Variants in SGSH observed in about 807,000 individuals in gnomAD.
SGSH encodes the protein heparan sulfate sulfatase.
In SGSH, 48 loss-of-function variants were observed where a neutral mutation model predicts 51.0. The observed-to-expected ratio is 0.94, with a 90% confidence interval of 0.75 to 1.20. SGSH has a LOEUF of 1.20. Among genes scored for constraint, SGSH ranks in the 50% most tolerant of loss-of-function variants. SGSH has a pLI of 0.00. For synonymous variants in SGSH, 321 were observed against 313.4 expected, an observed-to-expected ratio of 1.02 and a Z score of -0.26; for missense variants, 662 against 717.8, an observed-to-expected ratio of 0.92 and a Z score of 0.89.
rs779581338 is a variant in SGSH at position 80,217,138 on chromosome 17, G to A, written c.143C>T (p.Pro48Leu). Residue 48 changes from proline (P) to leucine (L), a missense_variant, in exon 2 of 8, where the codon CCG becomes CTG. Physicochemically the swap from Pro to Leu is moderately conservative, Grantham distance 98 (BLOSUM62 -3). Coordinates refer to ENST00000326317, the MANE Select transcript of SGSH (RefSeq NM_000199.5). Reference protein sequence around the residue: ...GAYNNSAIATPHLDALARRSL... With the variant: ...GAYNNSAIATLHLDALARRSL... ...GCGGCGGGCCAAGGCGTCCAGGTGC[G>A]GGGTGGCGATGGCGCTGTTGTTGTA... is the stretch of plus-strand genomic sequence containing the variant. The A allele has an allele frequency of 1.1e-5, 17 of 1,601,396 alleles. No homozygotes were observed. The highest frequency in any genetic ancestry group is 2.2e-5 in the South Asian group (2 of 89,238).
rs2041709025 is a variant in SGSH at position 80,212,482 on chromosome 17, C to T, written c.746-208G>A. On this transcript the variant is annotated intron_variant, in intron 6 of 7. Transcript: ENST00000326317. This position sits in a 1 kb window ranked among gnomAD's most constrained non-coding sequence, Gnocchi z 5.9. ...CAGCTCCCATTCCCTGAGCAGGCCTCGAATGGGCCTCCAGGGACTCCAGCC... is the reference window on the plus strand; with the variant it reads ...CAGCTCCCATTCCCTGAGCAGGCCTTGAATGGGCCTCCAGGGACTCCAGCC... The T allele has an allele frequency of 4.8e-6, 3 of 623,256 alleles. No individual in the cohort carries two copies. The highest frequency in any genetic ancestry group is 5.6e-5 in the East Asian group (2 of 35,558). 38.6% of individuals were successfully genotyped at this position (623,256 alleles called of 1,614,324 possible).
intron 1 of SGSH, among the ~76,000 whole-genome samples, chr17:80,219,543 C>A (rs527758481): frequency 2.6e-5 from 4 of 152,258 alleles, no homozygotes; most frequent in African/African-American, 9.6e-5. Flanking sequence ...TTACAGTGAG[C>A]CGAACCCCCG....
At chr17:80,218,238 C>T (rs1469185796) in intron 1 of SGSH, among the ~76,000 whole-genome samples, 1 of 152,250 alleles carries the variant, frequency 6.6e-6, no homozygotes, top group Non-Finnish European at 1.5e-5. Context: ...GTGTGCGTCC[C>T]ACCGCTGCTT....
chr17:80,205,666 CG>C, downstream of SGSH: 1 of 546,818 alleles, frequency 1.8e-6, no homozygotes, highest in Non-Finnish European at 3.4e-6. Flanking sequence ...AGGTCAAGGG[CG>C]GGGTGGGCAG....
At chr17:80,219,228 C>G (rs566632399) in intron 1 of SGSH, among the ~76,000 whole-genome samples, 1 of 151,698 alleles carries the variant, frequency 6.6e-6, no homozygotes, top group African/African-American at 2.4e-5. Flanking sequence ...TGAGACCACC[C>G]CCATCCGCTT....
At chr17:80,211,147 G>A (rs749969632) in intron 7 of SGSH, 136 bp from the exon 8 acceptor site, 13 of 1,522,674 alleles carry the variant, frequency 8.5e-6, no homozygotes, top group African/African-American at 8.2e-5. Context: ...TTGTCGAGCC[G>A]ACACCTCTCA....
chr17:80,206,379 C>T (rs2041308453), downstream of SGSH, among the ~76,000 whole-genome samples: 1 of 152,184 alleles, frequency 6.6e-6, no homozygotes, highest in Non-Finnish European at 1.5e-5. Context: ...TTTGGGAGGC[C>T]TAGGCGGGAA....
At chr17:80,216,112 T>C (rs2041881673) in intron 2 of SGSH, among the ~76,000 whole-genome samples, 1 of 152,014 alleles carries the variant, frequency 6.6e-6, no homozygotes, top group African/African-American at 2.4e-5. Context: ...GCAGATCACT[T>C]GAGGCCAGGA....
downstream of SGSH, chr17:80,201,783 C>T (rs924512384): frequency 1.2e-6 from 2 of 1,613,898 alleles, no homozygotes; most frequent in African/African-American, 2.7e-5. This position sits in a 1 kb window ranked among gnomAD's most constrained non-coding sequence, Gnocchi z 5.0. Context: ...CAAGGCAGTC[C>T]TGGAGGACAC....
chr17:80,204,241 AC>A, downstream of SGSH: 2 of 1,588,726 alleles, frequency 1.3e-6, no homozygotes, highest in African/African-American at 1.3e-5. Flanking sequence ...CTTCTGGGGG[AC>A]CACAGAAGCT....
In SGSH at chr17:80,213,995, C is replaced by A; in HGVS notation, c.664-110G>T. ...TGGGTTAGCCCAGAACAGCCTCACTCCGGACCACCCCGTCTCTCTACGGTT... is the reference window on the plus strand; with the variant it reads ...TGGGTTAGCCCAGAACAGCCTCACTACGGACCACCCCGTCTCTCTACGGTT... On this transcript the variant is annotated intron_variant, in intron 5 of 7. Transcript: ENST00000326317. This position sits in a 1 kb window ranked among gnomAD's most constrained non-coding sequence, Gnocchi z 4.6. 7.6e-7 allele frequency: 1 copy of A among 1,313,430 alleles called. No homozygotes were observed. The highest frequency in any genetic ancestry group is 1.3e-5 in the South Asian group (1 of 79,650). The allele number at this position is 1,313,430 out of a possible 1,614,324, so 81.4% of individuals were successfully genotyped here.
chr17:80,214,636 A>C lies in SGSH; in HGVS notation c.485T>G (p.Phe162Cys). The C allele has an allele frequency of 1.9e-6, 3 of 1,613,326 alleles. No homozygotes were observed. Among genetic ancestry groups the C allele is most frequent in the Non-Finnish European group, 2.5e-6 (3 of 1,179,934 alleles). ...ATACCGGTCATCCTGAGTCTGCAGG[A>C]ATTTCCGGACGAGCAGCTTAATTCT... ...ITRIKLLVRK[F>C]LQTQDDRPFF... Residue 162 changes from phenylalanine (F) to cysteine (C), a missense_variant, in exon 4 of 8, where the codon TTC becomes TGC. Transcript: ENST00000326317.
chr17:80,211,044 G>C, intron 7 of SGSH, 33 bp from the exon 8 acceptor site: 1 of 1,597,618 alleles, frequency 6.3e-7, no homozygotes, highest in Non-Finnish European at 8.5e-7. Context: ...GAGCAGCAGA[G>C]CCCTCAGCAC....
chr17:80,208,380 C>G (rs752057354), downstream of SGSH: 48 of 1,517,998 alleles, frequency 3.2e-5, no homozygotes, highest in Middle Eastern at 1.7e-4. Context: ...GTGGGGGCTT[C>G]TGTGTGCCTG....
downstream of SGSH, chr17:80,203,942 G>A (rs1379923295): frequency 1.2e-5 from 17 of 1,406,722 alleles, no homozygotes; most frequent in Admixed American, 3.5e-4. The surrounding 1 kb of genome is among the most constrained non-coding windows in gnomAD (Gnocchi z 4.6). Flanking sequence ...GAGGGGCTCG[G>A]TGCTGGCAGG....
intron 1 of SGSH, 63 bp from the exon 2 acceptor site, chr17:80,217,255 G>A: frequency 6.5e-7 from 1 of 1,549,780 alleles, no homozygotes; most frequent in Non-Finnish European, 8.7e-7. Flanking sequence ...AGCACTGGGA[G>A]TGAGGGAGGC....
chr17:80,204,395 T>C, downstream of SGSH: 1 of 1,474,910 alleles, frequency 6.8e-7, no homozygotes, highest in Non-Finnish European at 9.1e-7. Context: ...GGTGAGGGGC[T>C]TTGGGAGCTG....
At chr17:80,206,877 T>G (rs1027203917), downstream of SGSH, 2 of 759,612 alleles carry the variant, frequency 2.6e-6, no homozygotes, top group Non-Finnish European at 4.2e-6. Flanking sequence ...GCCCTCAGCC[T>G]GTCCGGAGGG....
intron 2 of SGSH, 42 bp from the exon 3 acceptor site, chr17:80,215,180 C>T (rs1363264948): frequency 6.9e-7 from 1 of 1,439,588 alleles, no homozygotes. Context: ...CCCGGACAGC[C>T]AGAGCCCGCC....
Sources: gnomAD v4.1 joint callset for allele counts (sites outside exome capture counted in the v4.1 genomes callset) on GRCh38, gnomAD v4.1.1 for gene constraint, Gnocchi (gnomAD v3.1) non-coding constraint, MANE v1.5 for transcripts, NCBI Gene and HGNC (gene_info 2026-07-23, HGNC 2026-07-21) for gene names.